The following MEF2A variants were observed in gnomAD, a reference collection of about 807,000 sequenced individuals.
MEF2A encodes myocyte-specific enhancer factor 2A.
MEF2A carries 28 observed loss-of-function variants against 55.8 expected under a neutral mutation model. That is an observed-to-expected ratio of 0.50 (90% CI 0.37 to 0.69). MEF2A has a LOEUF of 0.69. Among genes scored for constraint, MEF2A ranks in the 30% least tolerant of loss-of-function variants. The pLI is 0.00. For synonymous variants in MEF2A, 239 were observed against 227.1 expected, an observed-to-expected ratio of 1.05 and a Z score of -0.47; for missense variants, 528 against 626.2, an observed-to-expected ratio of 0.84 and a Z score of 1.67.
chr15:99,712,382 T>G lies in MEF2A; in HGVS notation c.1137-8T>G, dbSNP rs1162886302. 5.9e-6 allele frequency: 9 copies of G among 1,517,022 alleles called. No homozygotes were observed. Among genetic ancestry groups the G allele is most frequent in the Non-Finnish European group, 8.0e-6 (9 of 1,125,444 alleles). 94.0% of individuals were successfully genotyped at this position (1,517,022 alleles called of 1,614,324 possible). A position where few individuals can be genotyped will look rare whatever the true frequency, so the allele number is the denominator to read the frequency against. On this transcript the variant is annotated splice_region_variant and splice_polypyrimidine_tract_variant and intron_variant, in intron 11 of 11. Coordinates refer to ENST00000557942, the MANE Select transcript of MEF2A (RefSeq NM_001319206.4). This position sits in a 1 kb window ranked among gnomAD's most constrained non-coding sequence, Gnocchi z 4.1. ...AGCCATCTGACCTCTCTCTTTTTTT[T>G]CCTTCAGTGCTGGAGGGCAGTTATC...
chr15:99,702,532 A>G (rs1235541485), intron 8 of MEF2A, among the ~76,000 whole-genome samples: 3 of 151,532 alleles, frequency 2.0e-5, no homozygotes, highest in African/African-American at 7.3e-5. Context: ...GGTTCAAGCA[A>G]TTCTCCTGCC....
chr15:99,650,334 G>A (rs555118436), intron 4 of MEF2A, among the ~76,000 whole-genome samples: 108 of 152,180 alleles, frequency 7.1e-4, no homozygotes, highest in Non-Finnish European at 1.1e-3. Flanking sequence ...TTTACCGTAA[G>A]TAGATAAGAT....
intron 4 of MEF2A, among the ~76,000 whole-genome samples, chr15:99,670,903 C>A (rs568526728): frequency 6.6e-6 from 1 of 152,168 alleles, no homozygotes; most frequent in Admixed American, 6.5e-5. Flanking sequence ...AGGAAGAATA[C>A]GTGAAGTTGC....
chr15:99,610,427 AC>A (rs1567221026), intron 2 of MEF2A, among the ~76,000 whole-genome samples: 17 of 67,546 alleles, frequency 2.5e-4, no homozygotes, highest in Middle Eastern at 7.2e-3. Flanking sequence ...CCCCCCCCCC[AC>A]CCCCCCCCGA....
chr15:99,568,284 C>A (rs998919441), intron 1 of MEF2A, among the ~76,000 whole-genome samples: 1 of 151,988 alleles, frequency 6.6e-6, no homozygotes, highest in Non-Finnish European at 1.5e-5. Context: ...TAATTTCCTT[C>A]TGTATTCTTA....
At chr15:99,648,755 G>A (rs966403562) in intron 4 of MEF2A, among the ~76,000 whole-genome samples, 3 of 152,080 alleles carry the variant, frequency 2.0e-5, no homozygotes, top group African/African-American at 7.2e-5. Context: ...TTCATTAGAT[G>A]TGTTCCTCTT....
intron 1 of MEF2A, among the ~76,000 whole-genome samples, chr15:99,596,322 T>G (rs1256667094): frequency 1.3e-5 from 2 of 151,974 alleles, no homozygotes; most frequent in Non-Finnish European, 2.9e-5. Context: ...ATTTGAGGAA[T>G]TTTTTTCTGC....
intron 1 of MEF2A, among the ~76,000 whole-genome samples, chr15:99,591,727 T>A (rs1199589123): frequency 1.3e-5 from 2 of 152,170 alleles, no homozygotes; most frequent in South Asian, 4.1e-4. Context: ...TGTTTTTACA[T>A]CTTCAATTTT....
intron 4 of MEF2A, among the ~76,000 whole-genome samples, chr15:99,664,957 A>G (rs955457255): frequency 2.0e-5 from 3 of 152,204 alleles, no homozygotes; most frequent in African/African-American, 4.8e-5. Context: ...AACAGAGGAG[A>G]ACTCAAAAAT....
chr15:99,674,328 T>C (rs2051473916), intron 5 of MEF2A, 65 bp from the exon 6 acceptor site: 1 of 1,457,140 alleles, frequency 6.9e-7, no homozygotes, highest in East Asian at 2.3e-5. Flanking sequence ...AAATTAAAGT[T>C]CAAAAGTTAC....
At chr15:99,633,415 T>C (rs866886574) in intron 3 of MEF2A, among the ~76,000 whole-genome samples, 3 of 152,084 alleles carry the variant, frequency 2.0e-5, no homozygotes, top group South Asian at 2.1e-4. Flanking sequence ...ATCACCACAA[T>C]CCCCACCATT....
In MEF2A at chr15:99,710,683, G is replaced by A. The variant is rs572494865; in HGVS notation, c.1059G>A (p.Ser353=). 29 of 1,613,558 alleles carry A rather than the reference G, an allele frequency of 1.8e-5. No homozygotes were observed. Among genetic ancestry groups the A allele is most frequent in the Non-Finnish European group, 2.3e-5 (27 of 1,179,518 alleles). ...ADLSALQGFN[S]PGMLSLGQVS... Reference sequence around the variant, plus strand: ...TGTCAGCCCTTCAAGGCTTCAACTCGCCAGGAATGCTGTCGCTGGGACAGG... The same window carrying A: ...TGTCAGCCCTTCAAGGCTTCAACTCACCAGGAATGCTGTCGCTGGGACAGG... The change falls in exon 11 of 12, where the codon TCG becomes TCA. Residue 353 remains serine, a synonymous_variant. Transcript: ENST00000557942.
At position 99,584,346 on chromosome 15, in the gene MEF2A, A is replaced by G. The variant is rs185657253; in HGVS notation, c.-224-14084A>G. ...TTTATTGTAAGAACAGAAGCTAGAA[A>G]TGAACACATAGATTCATGTGAAAAC... On this transcript the variant is annotated intron_variant, in intron 1 of 11. Transcript: ENST00000557942. 2.9e-3 allele frequency among the ~76,000 whole-genome samples: 439 copies of G among 152,328 alleles called. 1 individual carries two copies. The highest frequency in any genetic ancestry group is 5.5e-3 in the Admixed American group (84 of 15,306).
intron 1 of MEF2A, among the ~76,000 whole-genome samples, chr15:99,569,564 C>T (rs1961216109): frequency 1.3e-5 from 2 of 152,276 alleles, no homozygotes; most frequent in South Asian, 4.1e-4. Flanking sequence ...ATAATCTCCC[C>T]AAATATTTTT....
chr15:99,690,189 A>C, intron 7 of MEF2A, 52 bp from the exon 8 acceptor site: 1 of 1,546,928 alleles, frequency 6.5e-7, no homozygotes, highest in Non-Finnish European at 8.8e-7. Flanking sequence ...TGTTTGTGCC[A>C]AAGTATTTTA....
In MEF2A at chr15:99,658,603, TA is replaced by T. The variant is rs550892971; in HGVS notation, c.259-12709del. ...TCAAATCCCATGCAGAGTAAATGTG[TA>T]AAAAAAAAAACAAACAAAAACTCTA... On this transcript the variant is annotated intron_variant, in intron 4 of 11. Transcript: ENST00000557942. 3.7e-4 allele frequency among the ~76,000 whole-genome samples: 52 copies of T among 138,716 alleles called. 1 individual carries two copies. In the South Asian group the frequency reaches 7.1e-3, roughly 19 times the overall value. The allele number at this position is 138,716 out of a possible 152,430, so 91.0% of individuals were successfully genotyped here. A position where few individuals can be genotyped will look rare whatever the true frequency, so the allele number is the denominator to read the frequency against.
chr15:99,685,681 A>T (rs1239624880), intron 7 of MEF2A, among the ~76,000 whole-genome samples: 1 of 152,098 alleles, frequency 6.6e-6, no homozygotes, highest in East Asian at 1.9e-4. Context: ...ATCATGGTGT[A>T]TTATCTTTTG....
At chr15:99,684,422 G>C (rs1431112476) in intron 7 of MEF2A, among the ~76,000 whole-genome samples, 1 of 152,188 alleles carries the variant, frequency 6.6e-6, no homozygotes, top group Non-Finnish European at 1.5e-5. Context: ...GGAGTAAGGT[G>C]GTATCTCATT....
At chr15:99,699,968 GTGTGTGTGTGTGTGTGTATA>G (rs1373859431) in intron 8 of MEF2A, among the ~76,000 whole-genome samples, 1 of 95,362 alleles carries the variant, frequency 1.0e-5, no homozygotes, top group African/African-American at 3.4e-5. Flanking sequence ...GTGTGTGTGT[GTGTGTGTGTGTGTGTGTATA>G]TATATATATA....
Sources: allele counts gnomAD v4.1 joint callset (sites outside exome capture counted in the v4.1 genomes callset), GRCh38; gene constraint gnomAD v4.1.1; non-coding constraint Gnocchi (gnomAD v3.1); transcripts MANE v1.5; gene names NCBI Gene and HGNC (gene_info 2026-07-23, HGNC 2026-07-21).